The following TSHZ3 variants were observed in gnomAD, a reference collection of about 807,000 sequenced individuals.
TSHZ3 encodes teashirt zinc finger homeobox 3.
In TSHZ3, 10 loss-of-function variants were observed where a neutral mutation model predicts 64.5. The ratio of observed to expected loss-of-function variants is 0.16; its 90% CI spans 0.10 to 0.26. The LOEUF (loss-of-function observed/expected upper bound fraction) is 0.26, where lower values mean the gene tolerates loss of function less well. TSHZ3 is among the 10% of genes least tolerant of loss of function. The pLI, the probability that TSHZ3 is intolerant of heterozygous loss-of-function variation, is 1.00. For missense variants in TSHZ3, 1,242 were observed against 1,421.7 expected, an observed-to-expected ratio of 0.87 and a Z score of 2.03; for synonymous variants, 608 against 593.1, an observed-to-expected ratio of 1.03 and a Z score of -0.36.
intron 5 of TSHZ3, among the ~76,000 whole-genome samples, chr19:31,167,126 A>G (rs1277090228): frequency 6.6e-6 from 1 of 152,214 alleles, no homozygotes; most frequent in East Asian, 1.9e-4. Flanking sequence ...TGGACTGGAA[A>G]TGTGATTTCT....
At chr19:31,210,699 G>A (rs529417332) in intron 4 of TSHZ3, among the ~76,000 whole-genome samples, 4 of 152,062 alleles carry the variant, frequency 2.6e-5, no homozygotes, top group East Asian at 1.9e-4. Flanking sequence ...GAACCCACGC[G>A]TACCACCATT....
At chr19:31,238,940 T>A (rs181791017) in intron 3 of TSHZ3, among the ~76,000 whole-genome samples, 2 of 152,350 alleles carry the variant, frequency 1.3e-5, no homozygotes, top group East Asian at 3.9e-4. Context: ...TTCCCTAGCA[T>A]GTTTTATAAA....
chr19:31,298,416 T>C (rs1385385314), intron 1 of TSHZ3, among the ~76,000 whole-genome samples: 1 of 152,158 alleles, frequency 6.6e-6, no homozygotes, highest in African/African-American at 2.4e-5. Flanking sequence ...AACTTTTAAA[T>C]TAAAAGTTGA....
chr19:31,274,868 A>G (rs1481470029), downstream of TSHZ3: 2 of 152,388 alleles, frequency 1.3e-5, no homozygotes, highest in African/African-American at 2.4e-5. Flanking sequence ...CGTCATAAAC[A>G]GATCGCATAC....
chr19:31,265,531 A>T (rs1414441821), intron 1 of TSHZ3, among the ~76,000 whole-genome samples: 1 of 151,910 alleles, frequency 6.6e-6, no homozygotes, highest in African/African-American at 2.4e-5. Flanking sequence ...CAGGGGTGCC[A>T]CTCCTTGAGG....
intron 5 of TSHZ3, among the ~76,000 whole-genome samples, chr19:31,203,751 C>T (rs964663287): frequency 2.0e-5 from 3 of 152,204 alleles, no homozygotes; most frequent in African/African-American, 7.2e-5. Context: ...ATCTTCCTTC[C>T]TTCTGCCCTT....
intron 1 of TSHZ3, among the ~76,000 whole-genome samples, chr19:31,286,828 T>G (rs983718741): frequency 6.6e-6 from 1 of 152,166 alleles, no homozygotes; most frequent in Admixed American, 6.5e-5. Context: ...GGTGTGGCTT[T>G]CACACCGTGG....
At position 31,231,851 on chromosome 19, in the gene TSHZ3, C is replaced by A. The variant is rs147358235; in HGVS notation, n.551-3711G>T. On this transcript the variant is annotated intron_variant and non_coding_transcript_variant, in intron 3 of 6. Coordinates refer to the TSHZ3 transcript ENST00000651361. ...GCATTCACTTCACACTTTAGCTACACCTGACTGATTTATATCACCAAAGCC... is the reference window on the plus strand; with the variant it reads ...GCATTCACTTCACACTTTAGCTACAACTGACTGATTTATATCACCAAAGCC... Among the ~76,000 whole-genome samples, 153 of 152,224 alleles carry A rather than the reference C, an allele frequency of 1.0e-3. No homozygotes were observed. In the East Asian group the frequency reaches 0.024, roughly 24 times the overall value.
At chr19:31,253,735 T>C (rs930100900) in intron 1 of TSHZ3, among the ~76,000 whole-genome samples, 94 of 152,126 alleles carry the variant, frequency 6.2e-4, no homozygotes, top group Non-Finnish European at 4.0e-4. Flanking sequence ...CATATAAGCA[T>C]GGAATGATGA....
intron 3 of TSHZ3, among the ~76,000 whole-genome samples, chr19:31,238,669 T>A (rs1243471299): frequency 6.6e-6 from 1 of 152,238 alleles, no homozygotes; most frequent in Non-Finnish European, 1.5e-5. Flanking sequence ...TTACTCTTTG[T>A]CTTGAAATCC....
chr19:31,270,351 T>C (rs539677583), downstream of TSHZ3, among the ~76,000 whole-genome samples: 1 of 152,350 alleles, frequency 6.6e-6, no homozygotes, highest in East Asian at 1.9e-4. Context: ...TGGAAATTTG[T>C]TGGTTTGTTT....
chr19:31,278,718 A>T lies in TSHZ3; in HGVS notation c.1075T>A (p.Tyr359Asn). Residue 359 changes from tyrosine (Y) to asparagine (N), a missense_variant, in exon 2 of 2, where the codon TAC becomes AAC. Tyr to Asn is a moderately radical substitution (Grantham distance 143). Transcript: ENST00000240587. This position sits in a 1 kb window ranked among gnomAD's most constrained non-coding sequence, Gnocchi z 4.7. ...CCGTACCGATTATTTGGCGTGATGTAAGGGTTGGAGTTCTTCTGAAGTGCA... is the reference window on the plus strand; with the variant it reads ...CCGTACCGATTATTTGGCGTGATGTTAGGGTTGGAGTTCTTCTGAAGTGCA... Reference protein sequence around the residue: ...NDALQKNSNPYITPNNRYGHQ... With the variant: ...NDALQKNSNPNITPNNRYGHQ... The T allele has an allele frequency of 6.2e-7, 1 of 1,614,018 alleles. No homozygotes were observed. Among genetic ancestry groups the T allele is most frequent in the South Asian group, 1.1e-5 (1 of 91,074 alleles).
chr19:31,222,700 T>C (rs996469482), intron 4 of TSHZ3, among the ~76,000 whole-genome samples: 4 of 152,160 alleles, frequency 2.6e-5, no homozygotes, highest in African/African-American at 4.8e-5. Flanking sequence ...ACTCGGAAAA[T>C]ATTTGCTGAA....
chr19:31,332,882 G>A (rs1237252837), intron 1 of TSHZ3, among the ~76,000 whole-genome samples: 1 of 152,004 alleles, frequency 6.6e-6, no homozygotes, highest in Non-Finnish European at 1.5e-5. Flanking sequence ...GAGGAGGGTA[G>A]ACTGCTTGAG....
rs13346890 is a variant in TSHZ3, at chr19:31,168,123, C to T, written n.810-11706G>A. ...TAAAACTGTGAGGGGAAAAAGTACT[C>T]GTGCATAATTGACATAATTGATCTA... is the stretch of plus-strand genomic sequence containing the variant. On this transcript the variant is annotated intron_variant and non_coding_transcript_variant, in intron 5 of 6. Transcript: ENST00000651361. Among the ~76,000 whole-genome samples the T allele has an allele frequency of 6.7e-3, 1,018 of 152,044 alleles. 13 individuals carry two copies. Among genetic ancestry groups the T allele is most frequent in the African/African-American group, 0.023 (973 of 41,466 alleles).
chr19:31,187,224 TA>T (rs1437276993), intron 5 of TSHZ3, among the ~76,000 whole-genome samples: 2 of 152,106 alleles, frequency 1.3e-5, no homozygotes, highest in African/African-American at 4.8e-5. Flanking sequence ...ATAGTTTTTT[TA>T]AAAAATAAAT....
intron 4 of TSHZ3, among the ~76,000 whole-genome samples, chr19:31,223,106 G>A (rs1488131196): frequency 2.6e-5 from 4 of 152,166 alleles, no homozygotes; most frequent in Non-Finnish European, 5.9e-5. Context: ...ACTGATGGAA[G>A]CCCTGTTTCT....
At chr19:31,253,535 T>A (rs1323695993) in intron 1 of TSHZ3, among the ~76,000 whole-genome samples, 4 of 152,280 alleles carry the variant, frequency 2.6e-5, no homozygotes, top group Admixed American at 6.5e-5. Context: ...TAATTTTTTT[T>A]AATCTTTGTA....
chr19:31,235,228 A>C (rs1057435995), intron 3 of TSHZ3, among the ~76,000 whole-genome samples: 2 of 152,156 alleles, frequency 1.3e-5, no homozygotes. Context: ...TCTCTTAGCA[A>C]ATTTCAAGTG....
Sources: gnomAD v4.1 joint callset for allele counts (sites outside exome capture counted in the v4.1 genomes callset) on GRCh38, gnomAD v4.1.1 for gene constraint, Gnocchi (gnomAD v3.1) non-coding constraint, MANE v1.5 for transcripts, NCBI Gene and HGNC (gene_info 2026-07-23, HGNC 2026-07-21) for gene names.